The following TP63 variants were observed in gnomAD, a reference collection of about 807,000 sequenced individuals.
TP63 encodes the protein tumor protein p63.
Under a neutral mutation model 82.8 loss-of-function variants are expected in TP63, and 17 were observed. The ratio of observed to expected loss-of-function variants is 0.21; its 90% CI spans 0.14 to 0.31. The LOEUF (loss-of-function observed/expected upper bound fraction) is 0.31, where lower values mean the gene tolerates loss of function less well. Among genes scored for constraint, TP63 ranks in the 10% least tolerant of loss-of-function variants. The pLI is 1.00. For missense variants in TP63, 648 were observed against 895.3 expected, an observed-to-expected ratio of 0.72 and a Z score of 3.52; for synonymous variants, 330 against 321.7, an observed-to-expected ratio of 1.03 and a Z score of -0.28.
the TP63 span, among the ~76,000 whole-genome samples, chr3:189,617,234 A>C: frequency 1.3e-5 from 2 of 152,216 alleles, no homozygotes; most frequent in Admixed American, 1.3e-4. Flanking sequence ...GATGTAACGC[A>C]TACAGTGCAA....
At chr3:189,646,953 T>A (rs1712470180) in intron 1 of TP63, among the ~76,000 whole-genome samples, 1 of 147,104 alleles carries the variant, frequency 6.8e-6, no homozygotes, top group Admixed American at 6.7e-5. Flanking sequence ...ATGCCACGAT[T>A]TTCATTGCTC....
chr3:189,596,765 C>A, the TP63 span, among the ~76,000 whole-genome samples: 1 of 152,166 alleles, frequency 6.6e-6, no homozygotes, highest in Admixed American at 6.5e-5. Context: ...CTGGGGTCAC[C>A]TTCCACACTG....
At chr3:189,742,112 G>A (rs1460323518) in intron 3 of TP63, among the ~76,000 whole-genome samples, 13 of 151,742 alleles carry the variant, frequency 8.6e-5, no homozygotes, top group African/African-American at 2.9e-4. Flanking sequence ...GCATGGTGGC[G>A]GGTGCCTGTA....
At chr3:189,682,594 A>C (rs573873568) in intron 1 of TP63, among the ~76,000 whole-genome samples, 1,929 of 139,404 alleles carry the variant, frequency 0.014, 36 homozygotes, top group Middle Eastern at 0.047. Context: ...ATATATATAT[A>C]TCCTATTCAC....
chr3:189,682,570 A>ATG (rs1716068089), intron 1 of TP63, among the ~76,000 whole-genome samples: 1 of 17,312 alleles, frequency 5.8e-5, no homozygotes, highest in Admixed American at 5.7e-4. Flanking sequence ...ATATATATAT[A>ATG]TATATATATA....
At chr3:189,636,281 G>A (rs529629655) in intron 1 of TP63, among the ~76,000 whole-genome samples, 1 of 152,258 alleles carries the variant, frequency 6.6e-6, no homozygotes, top group South Asian at 2.1e-4. Context: ...CAAAGGATTT[G>A]CAAAAGATCT....
chr3:189,673,203 A>G (rs143693348), intron 1 of TP63, among the ~76,000 whole-genome samples: 2 of 152,278 alleles, frequency 1.3e-5, no homozygotes, highest in East Asian at 1.9e-4. Flanking sequence ...AGAACTGAAC[A>G]TTCTTCCATA....
chr3:189,790,584 T>TAA (rs34074996), intron 3 of TP63, among the ~76,000 whole-genome samples: 52 of 148,558 alleles, frequency 3.5e-4, no homozygotes, highest in African/African-American at 7.9e-4. Flanking sequence ...TGCAAAGGGA[T>TAA]AAAAAAAAAA....
chr3:189,690,659 G>A (rs1291105852), intron 1 of TP63, among the ~76,000 whole-genome samples: 2 of 152,166 alleles, frequency 1.3e-5, no homozygotes, highest in Non-Finnish European at 2.9e-5. Context: ...AACCCCGGTA[G>A]AATAAGGAGA....
At chr3:189,764,128 A>G (rs529658787) in intron 3 of TP63, among the ~76,000 whole-genome samples, 1 of 152,196 alleles carries the variant, frequency 6.6e-6, no homozygotes, top group East Asian at 1.9e-4. Context: ...GTGTCTTGGG[A>G]TTATGATTAA....
In TP63 at chr3:189,738,646, A is replaced by T; in HGVS notation, c.196A>T (p.Ile66Leu). 1 of 1,614,048 alleles carries T rather than the reference A, an allele frequency of 6.2e-7. No individual in the cohort carries two copies. The change falls in exon 3 of 14, where the codon ATA becomes TTA. Residue 66 changes from isoleucine to leucine, a missense_variant. Transcript: ENST00000264731. ...TTTTTCTTTCCTATGTGTTAGGCCT[A>T]TATGTTCAGTTCAGCCCATTGACTT... ...QHIWDFLEQP[I>L]CSVQPIDLNF...
At chr3:189,693,810 T>G (rs1291879104) in intron 1 of TP63, among the ~76,000 whole-genome samples, 3 of 152,180 alleles carry the variant, frequency 2.0e-5, no homozygotes, top group African/African-American at 4.8e-5. Context: ...CCTGGTGTTC[T>G]CATTTCTAAA....
intron 1 of TP63, among the ~76,000 whole-genome samples, chr3:189,707,770 C>T (rs1410288671): frequency 1.3e-5 from 2 of 152,014 alleles, no homozygotes; most frequent in African/African-American, 2.4e-5. Context: ...AAATTTATTG[C>T]CTAAATTTAG....
At chr3:189,759,477 G>C (rs1169231373) in intron 3 of TP63, among the ~76,000 whole-genome samples, 1 of 152,104 alleles carries the variant, frequency 6.6e-6, no homozygotes, top group East Asian at 1.9e-4. Context: ...AATTTCAAGA[G>C]GTTTTGAGAA....
Position 189,889,473 on chromosome 3 carries a change from C to G in TP63, c.1641C>G (p.Cys547Trp), listed in dbSNP as rs773183774. ...CTPPPPYPTDCSIVSFLARLG... is the reference protein window; with the variant it reads ...CTPPPPYPTDWSIVSFLARLG... ...CCCCACCTCCGTATCCCACAGATTG[C>G]AGCATTGTCAGGTGAGTCCACAGCA... The change falls in exon 12 of 14, where the codon TGC (cysteine) becomes TGG (tryptophan). Residue 547 changes from cysteine to tryptophan, a missense_variant. Around this residue, in one of 5 missense-constraint regions of TP63, gnomAD observed 342 missense variants for 425.7 expected, o/e 0.80. Coordinates refer to ENST00000264731, the MANE Select transcript of TP63 (RefSeq NM_003722.5). 1.2e-6 allele frequency: 2 copies of G among 1,614,174 alleles called. No homozygotes were observed. The highest frequency in any genetic ancestry group is 2.2e-5 in the South Asian group (2 of 91,088).
chr3:189,763,243 T>C (rs1293197929), intron 3 of TP63, among the ~76,000 whole-genome samples: 4 of 152,196 alleles, frequency 2.6e-5, no homozygotes, highest in Non-Finnish European at 4.4e-5. Context: ...CACTGCACTC[T>C]AGCATGACAG....
chr3:189,642,168 A>G (rs1335684014), intron 1 of TP63, among the ~76,000 whole-genome samples: 2 of 152,218 alleles, frequency 1.3e-5, no homozygotes, highest in Non-Finnish European at 2.9e-5. Flanking sequence ...AATTTCATTA[A>G]GTTAATAGAT....
chr3:189,755,028 C>G (rs958304934), intron 3 of TP63, among the ~76,000 whole-genome samples: 2 of 152,162 alleles, frequency 1.3e-5, no homozygotes, highest in African/African-American at 4.8e-5. Context: ...TACTCAGACA[C>G]ACTAGAGTTG....
rs573463670 is a variant in TP63 at position 189,706,496 on chromosome 3, C to T, written c.63-31244C>T. The stretch of plus-strand genomic sequence containing the variant: ...GTCTCGAACACCTGACCTTGTGGTC[C>T]GCTGGCCTCGGCCTCCCAGAGTGCT... On this transcript the variant is annotated intron_variant, in intron 1 of 13. Coordinates refer to ENST00000264731, the MANE Select transcript of TP63 (RefSeq NM_003722.5). 1.4e-4 allele frequency among the ~76,000 whole-genome samples: 21 copies of T among 152,182 alleles called. No homozygotes were observed. In the South Asian group the frequency reaches 2.9e-3, roughly 21 times the overall value.
Sources: allele counts gnomAD v4.1 joint callset (sites outside exome capture counted in the v4.1 genomes callset), GRCh38; gene constraint gnomAD v4.1.1; regional missense constraint gnomAD v4.1.1; transcripts MANE v1.5; gene names NCBI Gene and HGNC (gene_info 2026-07-23, HGNC 2026-07-21).